ACADSB: variants seen among roughly 807,000 people sequenced by gnomAD.
ACADSB encodes short/branched chain specific acyl-CoA dehydrogenase, mitochondrial.
In ACADSB, 40 loss-of-function variants were observed where a neutral mutation model predicts 54.1. The observed-to-expected ratio is 0.74, with a 90% CI of 0.57 to 0.96. The LOEUF (loss-of-function observed/expected upper bound fraction) is 0.96. Ranked by LOEUF, ACADSB falls within the 40% of genes least tolerant of loss-of-function variation. The pLI, the probability that ACADSB is intolerant of heterozygous loss-of-function variation, is 0.00. For synonymous variants in ACADSB, 182 were observed against 182.8 expected, an observed-to-expected ratio of 1.00 and a Z score of 0.03; for missense variants, 530 against 510.4, an observed-to-expected ratio of 1.04 and a Z score of -0.37.
At chr10:123,027,756 G>GATTT (rs1850275076) in intron 1 of ACADSB, among the ~76,000 whole-genome samples, 1 of 152,214 alleles carries the variant, frequency 6.6e-6, no homozygotes, top group African/African-American at 2.4e-5. Context: ...AACTAGGGAG[G>GATTT]ATTTAGCAAG....
At chr10:123,011,712 A>C (rs1201272575) in intron 1 of ACADSB, among the ~76,000 whole-genome samples, 1 of 151,990 alleles carries the variant, frequency 6.6e-6, no homozygotes, top group Non-Finnish European at 1.5e-5. Flanking sequence ...GTTTTAGTAC[A>C]GATGGGGTTT....
intron 8 of ACADSB, 38 bp downstream of exon 8, chr10:123,047,336 TC>T: frequency 7.3e-7 from 1 of 1,374,256 alleles, no homozygotes; most frequent in Non-Finnish European, 1.0e-6. Context: ...GTGTTAGACT[TC>T]CCCAGCTTCC....
intron 1 of ACADSB, among the ~76,000 whole-genome samples, chr10:123,017,518 A>G (rs1416677462): frequency 6.6e-6 from 1 of 152,144 alleles, no homozygotes; most frequent in Non-Finnish European, 1.5e-5. Flanking sequence ...GGATTTTACC[A>G]TCTTGGTCAG....
intron 10 of ACADSB, 148 bp downstream of exon 10, chr10:123,053,308 T>A: frequency 1.5e-6 from 1 of 670,456 alleles, no homozygotes. Context: ...GTGGCTGGAT[T>A]TTTTTCTTAC....
At position 123,054,042 on chromosome 10, in the gene ACADSB, A is replaced by G. The variant is rs149609453; in HGVS notation, c.*277A>G. On this transcript the variant is annotated 3_prime_UTR_variant, in exon 11 of 11. Transcript: ENST00000358776. ...AAGCTGTATACGCATACATATATATATTTTTACTCTGTCTTACTCTGTCAC... is the reference window on the plus strand; with the variant it reads ...AAGCTGTATACGCATACATATATATGTTTTTACTCTGTCTTACTCTGTCAC... The G allele has an allele frequency of 2.1e-6, 1 of 485,286 alleles. No homozygotes were observed. Among genetic ancestry groups the G allele is most frequent in the Non-Finnish European group, 3.7e-6 (1 of 267,604 alleles). 30.1% of individuals were successfully genotyped at this position (485,286 alleles called of 1,614,324 possible).
In ACADSB at chr10:123,052,673, C is replaced by T. The variant is rs1027969341; in HGVS notation, c.1129-388C>T. 6 of 284,760 alleles carry T rather than the reference C, an allele frequency of 2.1e-5. No homozygotes were observed. Among genetic ancestry groups the T allele is most frequent in the Admixed American group, 4.8e-5 (1 of 21,040 alleles). The allele number at this position is 284,760 out of a possible 1,614,324, so 17.6% of individuals were successfully genotyped here. On this transcript the variant is annotated intron_variant, in intron 9 of 10. Transcript: ENST00000358776. This position sits in a 1 kb window ranked among gnomAD's most constrained non-coding sequence, Gnocchi z 4.2. ...TTTCACATTTCACCCCGATCCCAGC[C>T]CACTGGCTGTCTCAGGGGCTGGAAG...
At chr10:123,045,061 A>G (rs1474136304) in intron 7 of ACADSB, among the ~76,000 whole-genome samples, 1 of 143,258 alleles carries the variant, frequency 7.0e-6, no homozygotes, top group Non-Finnish European at 1.5e-5. Flanking sequence ...ATTAAGTAAT[A>G]TCAGTTATTT....
intron 2 of ACADSB, among the ~76,000 whole-genome samples, chr10:123,036,743 G>A (rs746572481): frequency 1.4e-4 from 21 of 152,166 alleles, no homozygotes; most frequent in Non-Finnish European, 2.4e-4. Flanking sequence ...GGCAGAAGTG[G>A]GCTAAGGAAG....
chr10:123,041,236 G>C lies in ACADSB; in HGVS notation c.538G>C (p.Gly180Arg). 6.2e-7 allele frequency: 1 copy of C among 1,614,126 alleles called. No individual in the cohort carries two copies. The highest frequency in any genetic ancestry group is 8.5e-7 in the Non-Finnish European group (1 of 1,180,020). The change falls in exon 5 of 11, where the codon GGA (glycine) becomes CGA (arginine). Residue 180 changes from glycine (G) to arginine (R), a missense_variant. Physicochemically the swap from Gly to Arg is moderately radical, Grantham distance 125. Transcript: ENST00000358776. ...AGGAAGTTTCTGCCTTTCAGAGGCT[G>C]GAGCAGGTAGTGACTCATTTGCTTT... is the stretch of plus-strand genomic sequence containing the variant. ...KVGSFCLSEA[G>R]AGSDSFALKT... is the part of the protein sequence containing the mutation.
At chr10:123,011,757 A>G (rs1850039225) in intron 1 of ACADSB, among the ~76,000 whole-genome samples, 1 of 151,932 alleles carries the variant, frequency 6.6e-6, no homozygotes, top group South Asian at 2.1e-4. Flanking sequence ...AATGGTCTCA[A>G]ACTCCTAACT....
Position 123,054,033 on chromosome 10 carries a change from C to CAT in ACADSB, c.*277_*278dup, listed in dbSNP as rs964247614. ...CTGTTTTTAAAGCTGTATACGCATA[C>CAT]ATATATATATTTTTACTCTGTCTTA... On this transcript the variant is annotated 3_prime_UTR_variant, in exon 11 of 11. Coordinates refer to ENST00000358776, the MANE Select transcript of ACADSB (RefSeq NM_001609.4). 2.0e-5 allele frequency: 10 copies of CAT among 510,924 alleles called. No individual in the cohort carries two copies. The highest frequency in any genetic ancestry group is 1.9e-4 in the African/African-American group (10 of 51,894). 31.6% of individuals were successfully genotyped at this position (510,924 alleles called of 1,614,324 possible). A position where few individuals can be genotyped will look rare whatever the true frequency, so the allele number is the denominator to read the frequency against.
At chr10:123,038,661 G>T (rs1250956421) in intron 3 of ACADSB, among the ~76,000 whole-genome samples, 1 of 152,196 alleles carries the variant, frequency 6.6e-6, no homozygotes, top group African/African-American at 2.4e-5. Context: ...AATCTTGTCT[G>T]CCATCTGGTT....
intron 1 of ACADSB, among the ~76,000 whole-genome samples, chr10:123,019,511 T>C (rs1850152570): frequency 1.3e-5 from 2 of 152,236 alleles, no homozygotes; most frequent in South Asian, 2.1e-4. Flanking sequence ...TCTGTAAGAT[T>C]GTGATGGCCT....
chr10:123,020,870 G>T (rs2133460351), intron 1 of ACADSB, among the ~76,000 whole-genome samples: 1 of 152,304 alleles, frequency 6.6e-6, no homozygotes, highest in South Asian at 2.1e-4. Flanking sequence ...GGGTGTGATG[G>T]CACGCGGCTG....
chr10:123,030,238 C>T (rs1298438051), intron 1 of ACADSB, among the ~76,000 whole-genome samples: 1 of 152,052 alleles, frequency 6.6e-6, no homozygotes, highest in African/African-American at 2.4e-5. Context: ...AGAATTTCTC[C>T]TTTCTAGCTG....
chr10:123,050,940 TGG>T, intron 8 of ACADSB, 107 bp from the exon 9 acceptor site: 1 of 1,128,422 alleles, frequency 8.9e-7, no homozygotes, highest in Non-Finnish European at 1.3e-6. Context: ...AAATTTCCTT[TGG>T]GGTGTATTTT....
At chr10:123,013,614 C>A (rs1850070305) in intron 1 of ACADSB, among the ~76,000 whole-genome samples, 1 of 152,246 alleles carries the variant, frequency 6.6e-6, no homozygotes, top group Non-Finnish European at 1.5e-5. Context: ...CGGGGAGACT[C>A]AGGCATGGTG....
chr10:123,040,617 A>C lies in ACADSB; in HGVS notation c.455A>C (p.Lys152Thr). ...ACATTAATTAACACACTGATTAGAA[A>C]ACATGGAACAGAAGAACAAAAGGCC... ...QNTLINTLIR[K>T]HGTEEQKATY... Residue 152 changes from lysine to threonine, a missense_variant, in exon 4 of 11, where the codon AAA becomes ACA. Lys to Thr is a moderately conservative substitution (Grantham distance 78). Coordinates refer to ENST00000358776, the MANE Select transcript of ACADSB (RefSeq NM_001609.4). 1.2e-6 allele frequency: 2 copies of C among 1,614,138 alleles called. No homozygotes were observed. Among genetic ancestry groups the C allele is most frequent in the Non-Finnish European group, 1.7e-6 (2 of 1,180,012 alleles).
intron 5 of ACADSB, 61 bp from the exon 6 acceptor site, chr10:123,042,985 C>G (rs1407736703): frequency 1.9e-6 from 3 of 1,588,220 alleles, no homozygotes; most frequent in Non-Finnish European, 1.7e-6. Context: ...TACTTAAACT[C>G]TTCAGAAACA....
Sources: allele counts gnomAD v4.1 joint callset (sites outside exome capture counted in the v4.1 genomes callset), GRCh38; gene constraint gnomAD v4.1.1; non-coding constraint Gnocchi (gnomAD v3.1); transcripts MANE v1.5; gene names NCBI Gene and HGNC (gene_info 2026-07-23, HGNC 2026-07-21).